Variants in DNAJB6 observed in about 807,000 individuals in gnomAD.
DNAJB6 encodes the protein dnaJ homolog subfamily B member 6.
Under a neutral mutation model 42.7 loss-of-function variants are expected in DNAJB6, and 16 were observed. The observed-to-expected ratio is 0.37, with a 90% confidence interval of 0.25 to 0.57. The LOEUF (loss-of-function observed/expected upper bound fraction) is 0.57. DNAJB6 is among the 20% of genes least tolerant of loss of function. The pLI is 0.74. For synonymous variants in DNAJB6, 170 were observed against 163.5 expected (o/e 1.04, Z -0.30); for missense variants, 347 against 416.8 (o/e 0.83, Z 1.46).
chr7:157,370,374 A>T (rs35545827), intron 5 of DNAJB6, among the ~76,000 whole-genome samples: 61,891 of 152,012 alleles, frequency 0.41, 14,053 homozygotes, highest in Middle Eastern at 0.56. Context: ...CATGATTATT[A>T]AACAGGACCT....
At chr7:157,403,067 G>A (rs375646261) in intron 8 of DNAJB6, among the ~76,000 whole-genome samples, 4 of 152,026 alleles carry the variant, frequency 2.6e-5, no homozygotes, top group Admixed American at 6.5e-5. Flanking sequence ...GACATGAGGC[G>A]TCCCTACACG....
At chr7:157,369,989 CAGGCCCCTTCTTAACATTATTATTAAA>C (rs1563128720) in intron 5 of DNAJB6, among the ~76,000 whole-genome samples, 39 of 145,676 alleles carry the variant, frequency 2.7e-4, no homozygotes, top group African/African-American at 9.6e-4. Flanking sequence ...TATTATTAAA[CAGGCCCCTTCTTAACATTATTATTAAA>C]GAGGCCCTTT....
At chr7:157,376,219 G>A (rs1299795844) in intron 5 of DNAJB6, among the ~76,000 whole-genome samples, 2 of 152,116 alleles carry the variant, frequency 1.3e-5, no homozygotes, top group Admixed American at 1.3e-4. Context: ...GTGGGTAAAT[G>A]TTTGTTACAT....
At chr7:157,351,661 CA>C (rs996992597) in intron 1 of DNAJB6, among the ~76,000 whole-genome samples, 9 of 36,414 alleles carry the variant, frequency 2.5e-4, no homozygotes, top group Admixed American at 7.1e-4. Flanking sequence ...ACAACAACAA[CA>C]AAAAAAACCA....
intron 8 of DNAJB6, among the ~76,000 whole-genome samples, chr7:157,400,794 A>T (rs1801825491): frequency 6.6e-6 from 1 of 152,110 alleles, no homozygotes; most frequent in Admixed American, 6.5e-5. Context: ...TCATGGAAGG[A>T]TCTTTCTGGA....
chr7:157,398,082 TTCCCCAGCAGATGGC>T (rs1801683053), intron 8 of DNAJB6, among the ~76,000 whole-genome samples: 1 of 152,188 alleles, frequency 6.6e-6, no homozygotes, highest in Non-Finnish European at 1.5e-5. Flanking sequence ...TTCCTAGCGT[TTCCCCAGCAGATGGC>T]GTCTGCCATT....
intron 5 of DNAJB6, among the ~76,000 whole-genome samples, chr7:157,372,737 T>G (rs560408722): frequency 2.0e-5 from 3 of 152,112 alleles, no homozygotes; most frequent in Non-Finnish European, 4.4e-5. Context: ...AACCGGGGGC[T>G]TAAACTACCA....
chr7:157,350,454 C>T (rs1382427001), intron 1 of DNAJB6, among the ~76,000 whole-genome samples: 1 of 152,168 alleles, frequency 6.6e-6, no homozygotes, highest in Admixed American at 6.5e-5. Context: ...CGCTCCCCAG[C>T]ATAAGGAAGA....
chr7:157,359,899 A>G (rs554071684), intron 2 of DNAJB6, among the ~76,000 whole-genome samples: 26 of 152,364 alleles, frequency 1.7e-4, no homozygotes, highest in East Asian at 1.3e-3. Context: ...GAAGCAGTCT[A>G]CTGAGGAGAG....
intron 1 of DNAJB6, among the ~76,000 whole-genome samples, chr7:157,355,319 CTT>C (rs1170812968): frequency 2.0e-5 from 3 of 152,212 alleles, no homozygotes; most frequent in African/African-American, 4.8e-5. Flanking sequence ...CGCCACCTCT[CTT>C]GGCTAATTTT....
At chr7:157,399,935 C>G (rs1350570711) in intron 8 of DNAJB6, among the ~76,000 whole-genome samples, 1 of 152,166 alleles carries the variant, frequency 6.6e-6, no homozygotes, top group East Asian at 1.9e-4. Context: ...TCCCAAAGTG[C>G]TTGGATGACA....
intron 1 of DNAJB6, among the ~76,000 whole-genome samples, chr7:157,351,657 AC>A (rs1462632022): frequency 0.061 from 9,114 of 149,086 alleles, 364 homozygotes; most frequent in East Asian, 0.21. Flanking sequence ...AACAACAACA[AC>A]AACAAAAAAA....
At chr7:157,350,433 T>G (rs973570949) in intron 1 of DNAJB6, among the ~76,000 whole-genome samples, 1 of 152,204 alleles carries the variant, frequency 6.6e-6, no homozygotes, top group African/African-American at 2.4e-5. Flanking sequence ...TGAAAATTCC[T>G]TGGAGACCCC....
chr7:157,379,121 A>G (rs1800622310), intron 5 of DNAJB6: 2 of 152,214 alleles, frequency 1.3e-5, no homozygotes, highest in South Asian at 2.1e-4. Context: ...TGGCCTTCTC[A>G]TAACATAGTA....
chr7:157,386,775 T>C (rs1801084019), intron 8 of DNAJB6, among the ~76,000 whole-genome samples: 1 of 151,938 alleles, frequency 6.6e-6, no homozygotes, highest in Admixed American at 6.6e-5. Context: ...TCCCAGCTAC[T>C]CTGGAGGCTG....
intron 6 of DNAJB6, 136 bp downstream of exon 6, chr7:157,382,513 T>C: frequency 2.1e-6 from 2 of 947,226 alleles, no homozygotes; most frequent in Non-Finnish European, 3.0e-6. Flanking sequence ...TTGCCAGCTT[T>C]TTTTGGTATA....
intron 1 of DNAJB6, among the ~76,000 whole-genome samples, chr7:157,351,424 TC>T (rs1798966247): frequency 6.6e-6 from 1 of 151,676 alleles, no homozygotes; most frequent in Admixed American, 6.6e-5. Flanking sequence ...GGTCAGGAGA[TC>T]GAGACCATCC....
chr7:157,378,674 G>A (rs1800597826), intron 5 of DNAJB6: 2 of 152,164 alleles, frequency 1.3e-5, no homozygotes, highest in Admixed American at 6.5e-5. Context: ...TCCACGTTTT[G>A]GGATGAGTTG....
chr7:157,395,095 G>A (rs915281454), intron 8 of DNAJB6, among the ~76,000 whole-genome samples: 21 of 135,564 alleles, frequency 1.5e-4, no homozygotes, highest in Admixed American at 6.6e-4. Flanking sequence ...CCCTGTGCCC[G>A]CCGCGCCCCC....
Sources: gnomAD v4.1 joint callset for allele counts (sites outside exome capture counted in the v4.1 genomes callset) on GRCh38, gnomAD v4.1.1 for gene constraint, MANE v1.5 for transcripts, NCBI Gene and HGNC (gene_info 2026-07-23, HGNC 2026-07-21) for gene names.